The following SLC16A10 variants were observed in gnomAD, a reference collection of about 807,000 sequenced individuals.
SLC16A10 encodes the protein monocarboxylate transporter 10.
In SLC16A10, 27 loss-of-function variants were observed where a neutral mutation model predicts 40.0. The ratio of observed to expected loss-of-function variants is 0.67; its 90% confidence interval spans 0.50 to 0.93. SLC16A10 has a LOEUF of 0.93. Ranked by LOEUF, SLC16A10 falls within the 40% of genes least tolerant of loss-of-function variation. SLC16A10 has a pLI of 0.00. For synonymous variants in SLC16A10, 213 were observed against 249.8 expected, an observed-to-expected ratio of 0.85 and a Z score of 1.39; for missense variants, 529 against 658.2, an observed-to-expected ratio of 0.80 and a Z score of 2.15.
chr6:111,141,917 G>A (rs547697013), intron 1 of SLC16A10, among the ~76,000 whole-genome samples: 8 of 152,090 alleles, frequency 5.3e-5, no homozygotes, highest in Admixed American at 2.0e-4. Flanking sequence ...CAAAATCCCC[G>A]CTAGTTATTT....
chr6:111,132,330 A>T (rs1371391426), intron 1 of SLC16A10, among the ~76,000 whole-genome samples: 1 of 152,238 alleles, frequency 6.6e-6, no homozygotes, highest in Non-Finnish European at 1.5e-5. Flanking sequence ...AGTAAATTTA[A>T]AACCTATAAT....
At chr6:111,202,779 CAGGAGGCTG>C (rs1773190715) in intron 3 of SLC16A10, among the ~76,000 whole-genome samples, 1 of 150,592 alleles carries the variant, frequency 6.6e-6, no homozygotes, top group Admixed American at 6.6e-5. Context: ...CCCAGCTACT[CAGGAGGCTG>C]AGGCAGGGGA....
intron 1 of SLC16A10, among the ~76,000 whole-genome samples, chr6:111,126,321 A>T (rs1771673586): frequency 6.6e-6 from 1 of 152,088 alleles, no homozygotes; most frequent in Non-Finnish European, 1.5e-5. Context: ...TGTAAAGGGC[A>T]GGTTGACTTC....
intron 3 of SLC16A10, among the ~76,000 whole-genome samples, chr6:111,200,497 A>G (rs577911753): frequency 5.1e-4 from 77 of 152,280 alleles, no homozygotes; most frequent in African/African-American, 1.8e-3. Flanking sequence ...TGCAGTGCTC[A>G]TGCAAAACTT....
chr6:111,148,901 A>G (rs1180939536), intron 1 of SLC16A10, among the ~76,000 whole-genome samples: 1 of 152,188 alleles, frequency 6.6e-6, no homozygotes, highest in Admixed American at 6.5e-5. Flanking sequence ...TGAGGTCAGG[A>G]GTTCCAGACC....
intron 1 of SLC16A10, among the ~76,000 whole-genome samples, chr6:111,101,631 TA>T (rs774586317): frequency 2.0e-4 from 30 of 151,816 alleles, no homozygotes; most frequent in Non-Finnish European, 3.5e-4. Flanking sequence ...TATAAATTAT[TA>T]TTTTTTTTGA....
intron 1 of SLC16A10, among the ~76,000 whole-genome samples, chr6:111,128,479 C>T (rs773370985): frequency 5.9e-5 from 9 of 152,148 alleles, no homozygotes; most frequent in Admixed American, 1.3e-4. Flanking sequence ...GAAGAGGGAG[C>T]GGTGCTCTTC....
intron 1 of SLC16A10, among the ~76,000 whole-genome samples, chr6:111,098,753 T>A (rs974127303): frequency 6.6e-6 from 1 of 152,208 alleles, no homozygotes; most frequent in African/African-American, 2.4e-5. Context: ...TTCACATTTG[T>A]CAGTGGTTGT....
intron 1 of SLC16A10, among the ~76,000 whole-genome samples, chr6:111,112,485 C>A (rs1446820735): frequency 6.6e-6 from 1 of 152,204 alleles, no homozygotes; most frequent in Non-Finnish European, 1.5e-5. Flanking sequence ...GGGGCTGTGT[C>A]TGTCTTGTTT....
Position 111,222,410 on chromosome 6 carries a change from C to T in SLC16A10, c.*175C>T, listed in dbSNP as rs1294713774. On this transcript the variant is annotated 3_prime_UTR_variant, in exon 6 of 6. Coordinates refer to ENST00000368851, the MANE Select transcript of SLC16A10 (RefSeq NM_018593.5). ...AACCATTTTCTGCCACTAAATATCT[C>T]TGATGTTTCCATGAGTCTGAGGGCA... 1 of 722,766 alleles carries T rather than the reference C, an allele frequency of 1.4e-6. No individual in the cohort carries two copies. Among genetic ancestry groups the T allele is most frequent in the African/African-American group, 1.9e-5 (1 of 53,208 alleles). The allele number at this position is 722,766 out of a possible 1,614,324, so 44.8% of individuals were successfully genotyped here. A position where few individuals can be genotyped will look rare whatever the true frequency, so the allele number is the denominator to read the frequency against.
chr6:111,095,051 T>TTTAAATGCCCAGAG (rs977465479), intron 1 of SLC16A10, among the ~76,000 whole-genome samples: 7 of 152,216 alleles, frequency 4.6e-5, no homozygotes, highest in African/African-American at 1.4e-4. Context: ...GATTTTTCTG[T>TTTAAATGCCCAGAG]TTAAATGCCC....
At chr6:111,123,439 T>C (rs1441031261) in intron 1 of SLC16A10, among the ~76,000 whole-genome samples, 1 of 152,214 alleles carries the variant, frequency 6.6e-6, no homozygotes, top group Non-Finnish European at 1.5e-5. Context: ...TGCTCAGGTA[T>C]GTGTTTAGTT....
intron 1 of SLC16A10, among the ~76,000 whole-genome samples, chr6:111,122,182 A>G (rs1253479906): frequency 6.6e-6 from 1 of 152,082 alleles, no homozygotes; most frequent in Non-Finnish European, 1.5e-5. Flanking sequence ...TGGTCATTTT[A>G]TCCCAGGCTG....
chr6:111,208,303 C>T (rs1284843836), intron 4 of SLC16A10, among the ~76,000 whole-genome samples: 2 of 151,870 alleles, frequency 1.3e-5, no homozygotes, highest in African/African-American at 2.4e-5. Context: ...AGATCAATTT[C>T]GGCTGTGCGT....
chr6:111,162,260 G>A (rs561681882), intron 1 of SLC16A10, among the ~76,000 whole-genome samples: 8 of 152,168 alleles, frequency 5.3e-5, no homozygotes, highest in Non-Finnish European at 1.0e-4. Flanking sequence ...TGGCTTTGAT[G>A]GAACTCTGTT....
chr6:111,175,761 G>A (rs1019784562), intron 2 of SLC16A10, among the ~76,000 whole-genome samples: 1 of 151,300 alleles, frequency 6.6e-6, no homozygotes, highest in African/African-American at 2.4e-5. Flanking sequence ...ATGCAGTGGT[G>A]TTATCATAGC....
Position 111,231,099 on chromosome 6 carries a change from A to G in SLC16A10, c.*8864A>G, listed in dbSNP as rs1198861957. The G allele has an allele frequency of 6.6e-6, 1 of 152,162 alleles. No homozygotes were observed. The highest frequency in any genetic ancestry group is 1.5e-5 in the Non-Finnish European group (1 of 68,032). The allele number at this position is 152,162 out of a possible 1,614,324, so 9.4% of individuals were successfully genotyped here. Reference sequence around the variant, plus strand: ...ATAGATAACCAAAATCTTTTTAATGAAAAGATCTTTACAATTGCTTGGAGG... The same window carrying G: ...ATAGATAACCAAAATCTTTTTAATGGAAAGATCTTTACAATTGCTTGGAGG... On this transcript the variant is annotated 3_prime_UTR_variant, in exon 6 of 6. Transcript: ENST00000368851.
rs1188143267 is a variant in SLC16A10 at position 111,101,623 on chromosome 6, T to C, written c.343+13528T>C. ...TTTCAGATTTGCAAATAAATAATTA[T>C]AAATTATTATTTTTTTTGAGACAGA... On this transcript the variant is annotated intron_variant, in intron 1 of 5. Transcript: ENST00000368851. Among the ~76,000 whole-genome samples, 4 of 148,676 alleles carry C rather than the reference T, an allele frequency of 2.7e-5. No individual in the cohort carries two copies. In the East Asian group the frequency reaches 7.7e-4, roughly 29 times the overall value.
chr6:111,159,069 A>G (rs1281569416), intron 1 of SLC16A10, among the ~76,000 whole-genome samples: 1 of 136,842 alleles, frequency 7.3e-6, no homozygotes, highest in East Asian at 2.0e-4. Context: ...CCCTGACTCA[A>G]AAAAAAAAAA....
Sources: allele counts gnomAD v4.1 joint callset (sites outside exome capture counted in the v4.1 genomes callset), GRCh38; gene constraint gnomAD v4.1.1; transcripts MANE v1.5; gene names NCBI Gene and HGNC (gene_info 2026-07-23, HGNC 2026-07-21).